Variants in KLC4 observed in about 807,000 individuals in gnomAD.
KLC4 encodes kinesin-like protein 8.
Under a neutral mutation model 77.2 loss-of-function variants are expected in KLC4, and 49 were observed. The ratio of observed to expected loss-of-function variants is 0.63; its 90% confidence interval spans 0.50 to 0.80. The LOEUF (loss-of-function observed/expected upper bound fraction) is 0.80. KLC4 is among the 30% of genes least tolerant of loss of function. The probability of loss-of-function intolerance (pLI) is 0.00; values close to 1 mark genes in which losing one functional copy is unlikely to be tolerated. For missense variants in KLC4, 669 were observed against 793.5 expected (o/e 0.84, Z 1.89); for synonymous variants, 274 against 314.5 (o/e 0.87, Z 1.36).
intron 2 of KLC4, among the ~76,000 whole-genome samples, chr6:43,061,897 A>C (rs1453519774): frequency 6.6e-6 from 1 of 152,234 alleles, no homozygotes; most frequent in East Asian, 1.9e-4. Flanking sequence ...AAGGATCAAA[A>C]TAAAGCAGGG....
intron 4 of KLC4, 63 bp from the exon 5 acceptor site, chr6:43,066,243 G>A: frequency 2.9e-6 from 4 of 1,379,366 alleles, no homozygotes; most frequent in South Asian, 1.2e-5. Flanking sequence ...GCAATGGGGA[G>A]TGGAAGGGCA....
chr6:43,073,538 T>G (rs1765831668), intron 14 of KLC4, 200 bp downstream of exon 14: 1 of 538,082 alleles, frequency 1.9e-6, no homozygotes, highest in African/African-American at 1.9e-5. Context: ...TCTCAGCTAC[T>G]TGGGAGGCTG....
intron 6 of KLC4, among the ~76,000 whole-genome samples, chr6:43,068,221 C>A (rs1335885857): frequency 6.6e-6 from 1 of 151,186 alleles, no homozygotes; most frequent in African/African-American, 2.4e-5. Context: ...TGCCTGTAAT[C>A]CCAGCACTTT....
chr6:43,062,460 G>A (rs1287101313), intron 2 of KLC4: 2 of 166,506 alleles, frequency 1.2e-5, no homozygotes, highest in South Asian at 1.5e-4. Flanking sequence ...TGGCCAGGCT[G>A]GTCTTGAATT....
rs1458762760 is a variant in KLC4 at position 43,065,106 on chromosome 6, C to T, written c.490-514C>T. On this transcript the variant is annotated intron_variant, in intron 3 of 15. Transcript: ENST00000347162. ...TTTTTTGTTTTGAGACAGAGTTTCG[C>T]TCTTGTTGCCCAGGCTGGAGTGCAA... Among the ~76,000 whole-genome samples the T allele has an allele frequency of 3.2e-4, 49 of 151,830 alleles. 1 individual carries two copies. The highest frequency in any genetic ancestry group is 4.4e-5 in the Non-Finnish European group (3 of 67,990).
At chr6:43,068,317 C>CA (rs1554143139) in intron 6 of KLC4, among the ~76,000 whole-genome samples, 2 of 131,502 alleles carry the variant, frequency 1.5e-5, no homozygotes, top group South Asian at 2.5e-4. Flanking sequence ...ACTAAAAATA[C>CA]AAAAATTAGC....
chr6:43,071,368 G>C lies in KLC4; in HGVS notation c.1249G>C (p.Val417Leu). 1 of 1,611,554 alleles carries C rather than the reference G, an allele frequency of 6.2e-7. No individual in the cohort carries two copies. Among genetic ancestry groups the C allele is most frequent in the Non-Finnish European group, 8.5e-7 (1 of 1,177,668 alleles). ...TGCCCATGTACAGGAGTTTGGGTCT[G>C]TGGATGGTGAGTGGTGAGGGCCTGG... ...TRAHVQEFGS[V>L]DDDHKPIWMH... The change falls in exon 9 of 16, where the codon GTG becomes CTG. Residue 417 changes from valine to leucine, a missense_variant. Coordinates refer to ENST00000347162, the MANE Select transcript of KLC4 (RefSeq NM_201521.3).
At position 43,070,737 on chromosome 6, in the gene KLC4, C is replaced by T. The variant is rs771288012; in HGVS notation, c.1027C>T (p.Leu343=). ...AGATGTGGCAAAACAGCTGAACAAC[C>T]TGGCCCTCTTGTGCCAAAACCAGGG... ...HPDVAKQLNN[L]ALLCQNQGKY... is the part of the protein sequence containing the mutation. Residue 343 remains leucine (L), a synonymous_variant, in exon 8 of 16, where the codon CTG becomes TTG. Coordinates refer to ENST00000347162, the MANE Select transcript of KLC4 (RefSeq NM_201521.3). 3 of 1,613,998 alleles carry T rather than the reference C, an allele frequency of 1.9e-6. No individual in the cohort carries two copies. Among genetic ancestry groups the T allele is most frequent in the Non-Finnish European group, 8.5e-7 (1 of 1,179,958 alleles).
At chr6:43,071,987 T>C in intron 11 of KLC4, 65 bp downstream of exon 11, 1 of 1,503,872 alleles carries the variant, frequency 6.6e-7, no homozygotes, top group African/African-American at 1.4e-5. Flanking sequence ...GCTCCCAGCC[T>C]CCCAGACCTT....
At chr6:43,073,880 A>G (rs114803978) in intron 14 of KLC4, 22 bp from the exon 15 acceptor site, 22,530 of 1,613,192 alleles carry the variant, frequency 0.014, 201 homozygotes, top group Middle Eastern at 0.031. Context: ...GGAGGCCTCA[A>G]TTCTTCCGTT....
At chr6:43,061,198 CA>C in intron 1 of KLC4, 112 bp from the exon 2 acceptor site, 1 of 1,114,336 alleles carries the variant, frequency 9.0e-7, no homozygotes. Context: ...AGCTAAGCCA[CA>C]GGGTCACTCT....
chr6:43,067,171 T>G, intron 6 of KLC4, 88 bp downstream of exon 6: 1 of 1,380,734 alleles, frequency 7.2e-7, no homozygotes, highest in Non-Finnish European at 9.6e-7. Context: ...TCTGCTGCCC[T>G]CAGTCCACTC....
At chr6:43,068,195 C>T (rs1765545452) in intron 6 of KLC4, among the ~76,000 whole-genome samples, 1 of 149,420 alleles carries the variant, frequency 6.7e-6, no homozygotes, top group Admixed American at 6.7e-5. Flanking sequence ...TCACAAGGGT[C>T]GGGCACAGTG....
At chr6:43,064,415 T>C (rs1765315497) in intron 3 of KLC4, among the ~76,000 whole-genome samples, 1 of 152,180 alleles carries the variant, frequency 6.6e-6, no homozygotes, top group Non-Finnish European at 1.5e-5. Flanking sequence ...CCTCAGCTAC[T>C]CTGGAGGCTG....
intron 8 of KLC4, 65 bp downstream of exon 8, chr6:43,070,930 G>GGGGA: frequency 2.1e-6 from 1 of 471,030 alleles, no homozygotes; most frequent in South Asian, 2.0e-5. Context: ...GGGGGGAGGG[G>GGGGA]GGGCAGGCGG....
At chr6:43,060,002 C>G in intron 1 of KLC4, 2 of 1,404,248 alleles carry the variant, frequency 1.4e-6, no homozygotes, top group Non-Finnish European at 1.9e-6. Context: ...TCTCCCAACC[C>G]TGGGCACCAG....
At chr6:43,061,017 CT>C (rs2150349547) in intron 1 of KLC4, 2 of 369,268 alleles carry the variant, frequency 5.4e-6, no homozygotes, top group East Asian at 5.0e-5. Context: ...GCTGTAACTG[CT>C]TTTTTGTTCT....
chr6:43,059,974 C>T lies in KLC4; in HGVS notation c.-26+289C>T, dbSNP rs571274971. 34 of 1,349,316 alleles carry T rather than the reference C, an allele frequency of 2.5e-5. 1 individual carries two copies. The South Asian group carries it at 5.2e-4, about 21-fold the overall frequency. The allele number at this position is 1,349,316 out of a possible 1,614,324, so 83.6% of individuals were successfully genotyped here. On this transcript the variant is annotated intron_variant, in intron 1 of 15. Transcript: ENST00000347162. ...TCGTCCATCCACACCTCCCCCCTGC[C>T]GCCCCCGCCCATCTCACTCTCCCAA...
intron 6 of KLC4, among the ~76,000 whole-genome samples, 188 bp from the exon 7 acceptor site, chr6:43,070,166 G>C (rs1212644054): frequency 6.6e-6 from 1 of 151,488 alleles, no homozygotes; most frequent in African/African-American, 2.4e-5. Context: ...GGGCGATACT[G>C]TCCCTTAGCC....
Sources: allele counts gnomAD v4.1 joint callset (sites outside exome capture counted in the v4.1 genomes callset), GRCh38; gene constraint gnomAD v4.1.1; transcripts MANE v1.5; gene names NCBI Gene and HGNC (gene_info 2026-07-23, HGNC 2026-07-21).